Variants in ELOVL6 observed in about 807,000 individuals in gnomAD.
ELOVL6 encodes very long chain fatty acid elongase 6.
In ELOVL6, 8 loss-of-function variants were observed where a neutral mutation model predicts 31.7. The observed-to-expected ratio is 0.25, with a 90% CI of 0.15 to 0.45. The LOEUF is 0.45. Ranked by LOEUF, ELOVL6 falls within the 20% of genes least tolerant of loss-of-function variation. The pLI is 1.00. For missense variants in ELOVL6, 126 were observed against 326.4 expected (o/e 0.39, Z 4.73); for synonymous variants, 101 against 117.7 (o/e 0.86, Z 0.92).
chr4:110,180,657 C>T (rs577011494), intron 1 of ELOVL6, among the ~76,000 whole-genome samples: 25 of 152,340 alleles, frequency 1.6e-4, no homozygotes, highest in Admixed American at 3.9e-4. Flanking sequence ...CCTGGCCTCA[C>T]GGCCTCAGCC....
At chr4:110,189,614 AG>A (rs60495503) in intron 1 of ELOVL6, among the ~76,000 whole-genome samples, 19,567 of 113,910 alleles carry the variant, frequency 0.17, 1,921 homozygotes, top group East Asian at 0.27. Context: ...AAAAAAAAAA[AG>A]AGAGAGAGAG....
chr4:110,093,154 CAGAAGTCAT>C (rs1382526422), intron 2 of ELOVL6: 3 of 442,786 alleles, frequency 6.8e-6, no homozygotes, highest in South Asian at 4.9e-5. Flanking sequence ...AAAGATATTA[CAGAAGTCAT>C]ATTTTTGTCC....
At chr4:110,184,099 T>C (rs1483115357) in intron 1 of ELOVL6, among the ~76,000 whole-genome samples, 1 of 152,226 alleles carries the variant, frequency 6.6e-6, no homozygotes, top group Non-Finnish European at 1.5e-5. Context: ...ATGGATTCAC[T>C]GATAATTAGT....
At chr4:110,154,069 A>G (rs1758350359) in intron 1 of ELOVL6, among the ~76,000 whole-genome samples, 1 of 151,856 alleles carries the variant, frequency 6.6e-6, no homozygotes, top group Non-Finnish European at 1.5e-5. Flanking sequence ...CATCAATATT[A>G]ATTTCTTTTC....
intron 2 of ELOVL6, among the ~76,000 whole-genome samples, chr4:110,103,367 T>C (rs1427455652): frequency 6.6e-6 from 1 of 151,978 alleles, no homozygotes; most frequent in Admixed American, 6.6e-5. Flanking sequence ...CAAAATCATA[T>C]CTCAAAATCA....
At chr4:110,192,192 G>GAAA (rs34396636) in intron 1 of ELOVL6, among the ~76,000 whole-genome samples, 3 of 104,050 alleles carry the variant, frequency 2.9e-5, no homozygotes, top group Non-Finnish European at 4.0e-5. Context: ...CTCCATCCAA[G>GAAA]AAAAAAAAAA....
At chr4:110,190,856 G>A (rs1203247704) in intron 1 of ELOVL6, among the ~76,000 whole-genome samples, 2 of 148,828 alleles carry the variant, frequency 1.3e-5, no homozygotes, top group African/African-American at 5.0e-5. Context: ...GTTTTGCTCT[G>A]TTGCCCAAGC....
At chr4:110,194,046 A>G (rs1759703676) in intron 1 of ELOVL6, among the ~76,000 whole-genome samples, 1 of 152,234 alleles carries the variant, frequency 6.6e-6, no homozygotes, top group South Asian at 2.1e-4. Flanking sequence ...CACTGCTGTT[A>G]GCACAAACCT....
intron 2 of ELOVL6, among the ~76,000 whole-genome samples, chr4:110,089,381 A>C (rs1419811483): frequency 4.6e-5 from 7 of 152,148 alleles, no homozygotes; most frequent in African/African-American, 1.4e-4. Flanking sequence ...ACCAATACAA[A>C]GGGCTGACTT....
At chr4:110,092,270 T>C (rs1259912308) in intron 2 of ELOVL6, among the ~76,000 whole-genome samples, 2 of 152,196 alleles carry the variant, frequency 1.3e-5, no homozygotes, top group Non-Finnish European at 2.9e-5. Context: ...AGTTACTATT[T>C]AGAGCTTTGA....
intron 2 of ELOVL6, among the ~76,000 whole-genome samples, chr4:110,085,531 T>C (rs1343139750): frequency 2.6e-5 from 4 of 152,174 alleles, no homozygotes; most frequent in Non-Finnish European, 4.4e-5. Flanking sequence ...GAACTTCTCA[T>C]CTACTGAACA....
At chr4:110,185,993 C>T (rs1056299868) in intron 1 of ELOVL6, among the ~76,000 whole-genome samples, 5 of 152,162 alleles carry the variant, frequency 3.3e-5, no homozygotes, top group African/African-American at 9.6e-5. Context: ...AGTTCGAGAC[C>T]ACCCTGGCTA....
intron 1 of ELOVL6, among the ~76,000 whole-genome samples, chr4:110,156,650 C>T (rs1387437435): frequency 1.3e-5 from 2 of 152,276 alleles, no homozygotes; most frequent in Non-Finnish European, 1.5e-5. Flanking sequence ...TGCACCACTG[C>T]ACTCCAGCCT....
rs1191065332 is a variant in ELOVL6, at chr4:110,084,279, CATATATAACTTATATATG to C, written c.221+21200_221+21217del. Among the ~76,000 whole-genome samples the C allele has an allele frequency of 1.7e-4, 20 of 117,414 alleles. 3 individuals carry two copies. The highest frequency in any genetic ancestry group is 6.9e-4 in the African/African-American group (18 of 26,138). 77.0% of individuals were successfully genotyped at this position (117,414 alleles called of 152,430 possible). ...CATATAGCTTATATGTGATATATAA[CATATATAACTTATATATG>C]ATATATAACATATAACATATATAAA... On this transcript the variant is annotated intron_variant, in intron 2 of 3. Coordinates refer to ENST00000302274, the MANE Select transcript of ELOVL6 (RefSeq NM_024090.3).
chr4:110,083,346 G>C (rs1755940724), intron 2 of ELOVL6, among the ~76,000 whole-genome samples: 1 of 151,682 alleles, frequency 6.6e-6, no homozygotes, highest in South Asian at 2.1e-4. Flanking sequence ...TCTGATAACT[G>C]ATCAATGAAA....
At chr4:110,184,596 A>C (rs1261489752) in intron 1 of ELOVL6, among the ~76,000 whole-genome samples, 1 of 152,174 alleles carries the variant, frequency 6.6e-6, no homozygotes, top group African/African-American at 2.4e-5. Context: ...TCAGAAAGAC[A>C]ATGGGAGGTA....
intron 1 of ELOVL6, among the ~76,000 whole-genome samples, chr4:110,106,950 T>G (rs902711262): frequency 2.0e-5 from 3 of 152,190 alleles, no homozygotes; most frequent in African/African-American, 7.2e-5. Flanking sequence ...TTTAAAACAG[T>G]TGAGCATGTT....
chr4:110,152,234 T>C (rs1758297896), intron 1 of ELOVL6, among the ~76,000 whole-genome samples: 1 of 152,196 alleles, frequency 6.6e-6, no homozygotes, highest in African/African-American at 2.4e-5. Context: ...TTATGTCATA[T>C]CAAGTCCTAT....
intron 2 of ELOVL6, among the ~76,000 whole-genome samples, chr4:110,084,336 ACATATATGATATATGATATATACCG>A (rs1404338154): frequency 1.0e-4 from 13 of 125,258 alleles, no homozygotes; most frequent in African/African-American, 3.0e-4. Context: ...GATATATATC[ACATATATGATATATGATATATACCG>A]CATATATGAT....
Sources: gnomAD v4.1 joint callset for allele counts (sites outside exome capture counted in the v4.1 genomes callset) on GRCh38, gnomAD v4.1.1 for gene constraint, MANE v1.5 for transcripts, NCBI Gene and HGNC (gene_info 2026-07-23, HGNC 2026-07-21) for gene names.